DPP4: variants seen among roughly 807,000 people sequenced by gnomAD.
DPP4 encodes dipeptidyl peptidase 4, also known as ADCP-2.
In DPP4, 93 loss-of-function variants were observed where a neutral mutation model predicts 122.4. The ratio of observed to expected loss-of-function variants is 0.76; its 90% CI spans 0.64 to 0.90. The LOEUF (loss-of-function observed/expected upper bound fraction) is 0.90, where lower values mean the gene tolerates loss of function less well. Ranked by LOEUF, DPP4 falls within the 40% of genes least tolerant of loss-of-function variation. The probability of loss-of-function intolerance (pLI) is 0.00; values close to 1 mark genes in which losing one functional copy is unlikely to be tolerated. For missense variants in DPP4, 914 were observed against 907.3 expected (o/e 1.01, Z -0.09); for synonymous variants, 321 against 302.9 (o/e 1.06, Z -0.62).
chr2:162,013,566 C>T (rs1285931565), intron 19 of DPP4, among the ~76,000 whole-genome samples: 1 of 152,036 alleles, frequency 6.6e-6, no homozygotes, highest in Non-Finnish European at 1.5e-5. Context: ...CATTATGTCC[C>T]TGACCTTCAA....
intron 8 of DPP4, among the ~76,000 whole-genome samples, chr2:162,037,894 C>G (rs1396230751): frequency 6.6e-6 from 1 of 152,100 alleles, no homozygotes; most frequent in Admixed American, 6.6e-5. Flanking sequence ...TACTCTCCAA[C>G]CTGTATATAT....
chr2:162,003,422 T>G (rs1183694134), intron 23 of DPP4, among the ~76,000 whole-genome samples: 1 of 152,124 alleles, frequency 6.6e-6, no homozygotes, highest in African/African-American at 2.4e-5. Context: ...GAGGGCTGGA[T>G]GAAGAGGAAA....
Position 162,033,624 on chromosome 2 carries a change from G to T in DPP4, c.804C>A (p.Phe268Leu), listed in dbSNP as rs199657791. ...KAGAVNPTVK[F>L]FVVNTDSLSS... The stretch of plus-strand genomic sequence containing the variant: ...TGAGAGAGTCTGTATTTACAACAAA[G>T]AACTTTACAGTTGGATTCACAGCTC... Residue 268 changes from phenylalanine (F) to leucine (L), a missense_variant, in exon 10 of 26, where the codon TTC becomes TTA. Coordinates refer to ENST00000360534, the MANE Select transcript of DPP4 (RefSeq NM_001935.4). The T allele has an allele frequency of 4.4e-6, 7 of 1,608,248 alleles. No homozygotes were observed. In the Admixed American group the frequency reaches 1.0e-4, roughly 23 times the overall value.
intron 2 of DPP4, among the ~76,000 whole-genome samples, chr2:162,060,184 G>T (rs754626400): frequency 2.3e-4 from 35 of 152,188 alleles, no homozygotes; most frequent in Non-Finnish European, 4.6e-4. Context: ...TTGTGAATTG[G>T]TGGAGATGAA....
At chr2:161,997,995 G>T (rs1311059300) in intron 23 of DPP4, among the ~76,000 whole-genome samples, 1 of 152,170 alleles carries the variant, frequency 6.6e-6, no homozygotes. Flanking sequence ...TTAATTAACT[G>T]TCCTGGAATT....
intron 24 of DPP4, 94 bp downstream of exon 24, chr2:161,995,206 A>G (rs1335372202): frequency 2.2e-6 from 3 of 1,355,450 alleles, no homozygotes; most frequent in Non-Finnish European, 2.1e-6. Flanking sequence ...ATTGAAGTAA[A>G]TGTAACAGTC....
intron 3 of DPP4, 35 bp from the exon 4 acceptor site, chr2:162,047,041 G>A (rs770427045): frequency 8.2e-7 from 1 of 1,219,828 alleles, no homozygotes; most frequent in South Asian, 1.3e-5. Context: ...AAAATTTCAA[G>A]TTGTTATTAA....
chr2:162,054,663 C>A (rs529028416), intron 2 of DPP4, among the ~76,000 whole-genome samples: 1 of 152,098 alleles, frequency 6.6e-6, no homozygotes, highest in Non-Finnish European at 1.5e-5. Context: ...TACTCTTCTG[C>A]CGTGTGAGAA....
At chr2:162,004,146 A>C (rs962229787) in intron 23 of DPP4, among the ~76,000 whole-genome samples, 2 of 152,170 alleles carry the variant, frequency 1.3e-5, no homozygotes, top group African/African-American at 2.4e-5. Context: ...GGTGCCGAAC[A>C]CCTGGGTAAA....
At chr2:162,023,607 G>A (rs563106994) in intron 11 of DPP4, among the ~76,000 whole-genome samples, 1 of 152,282 alleles carries the variant, frequency 6.6e-6, no homozygotes, top group Admixed American at 6.5e-5. Flanking sequence ...CTACTCTATA[G>A]CTCTCCCACA....
chr2:161,995,088 G>T, intron 24 of DPP4, 54 bp from the exon 25 acceptor site: 1 of 1,582,946 alleles, frequency 6.3e-7, no homozygotes, highest in Non-Finnish European at 8.7e-7. Context: ...CAGTTTTCTG[G>T]TACCAAGGGG....
chr2:162,039,126 A>T lies in DPP4; in HGVS notation c.419+6T>A. 1 of 1,612,962 alleles carries T rather than the reference A, an allele frequency of 6.2e-7. No homozygotes were observed. Among genetic ancestry groups the T allele is most frequent in the South Asian group, 1.1e-5 (1 of 91,056 alleles). On this transcript the variant is annotated splice_donor_region_variant and intron_variant, in intron 6 of 25. Transcript: ENST00000360534. Reference sequence around the variant, plus strand: ...GCCTAATAGATTTTATTGGGAAGTCACTGACCTTTTATTTAAATCATAAAT... The same window carrying T: ...GCCTAATAGATTTTATTGGGAAGTCTCTGACCTTTTATTTAAATCATAAAT...
intron 9 of DPP4, among the ~76,000 whole-genome samples, chr2:162,033,862 GTATATA>G (rs138320647): frequency 0.016 from 1,663 of 104,024 alleles, 57 homozygotes; most frequent in African/African-American, 0.05. Context: ...CAGAATATGT[GTATATA>G]TATATATATA....
In DPP4 at chr2:162,024,826, C is replaced by G; in HGVS notation, c.1001G>C (p.Ser334Thr). ...CACCACTAAGCAGTTCCATCTTCCA[C>G]TGGATTCATCATAGTCACAAATATC... ...VMDICDYDES[S>T]GRWNCLVARQ... Residue 334 changes from serine to threonine, a missense_variant, in exon 11 of 26, where the codon AGT becomes ACT. Physicochemically the swap from Ser to Thr is moderately conservative, Grantham distance 58. Transcript: ENST00000360534. 6 of 1,613,848 alleles carry G rather than the reference C, an allele frequency of 3.7e-6. No homozygotes were observed. In the South Asian group the frequency reaches 6.6e-5, roughly 18 times the overall value.
At chr2:162,011,042 A>G (rs534573034) in intron 20 of DPP4, among the ~76,000 whole-genome samples, 1 of 152,256 alleles carries the variant, frequency 6.6e-6, no homozygotes, top group East Asian at 1.9e-4. Context: ...TTGGCAAGCT[A>G]CCTAACCTAA....
intron 4 of DPP4, chr2:162,046,702 A>C (rs1056901792): frequency 4.8e-6 from 3 of 620,726 alleles, no homozygotes; most frequent in Non-Finnish European, 9.1e-6. Context: ...GAGCACTTAC[A>C]TTTAAAAATA....
At chr2:162,045,997 T>C (rs1342866773) in intron 4 of DPP4, among the ~76,000 whole-genome samples, 1 of 151,668 alleles carries the variant, frequency 6.6e-6, no homozygotes, top group East Asian at 1.9e-4. Flanking sequence ...TCAGACAGAG[T>C]GGAAGGTGAG....
chr2:162,067,706 T>A (rs1476934602), intron 2 of DPP4, among the ~76,000 whole-genome samples: 1 of 152,234 alleles, frequency 6.6e-6, no homozygotes, highest in East Asian at 1.9e-4. Context: ...GGTTTCAGGT[T>A]ACTCTCAAAT....
intron 10 of DPP4, among the ~76,000 whole-genome samples, chr2:162,026,989 C>A (rs1291114808): frequency 6.6e-6 from 1 of 152,092 alleles, no homozygotes; most frequent in Non-Finnish European, 1.5e-5. Flanking sequence ...AGCCAGAGAC[C>A]ATAATTAAAT....
Sources: allele counts gnomAD v4.1 joint callset (sites outside exome capture counted in the v4.1 genomes callset), GRCh38; gene constraint gnomAD v4.1.1; transcripts MANE v1.5; gene names NCBI Gene and HGNC (gene_info 2026-07-23, HGNC 2026-07-21).